ASXL3: variants seen among roughly 807,000 people sequenced by gnomAD.
The protein encoded by ASXL3 is putative Polycomb group protein ASXL3.
In ASXL3, 34 loss-of-function variants were observed where a neutral mutation model predicts 170.6. The ratio of observed to expected loss-of-function variants is 0.20; its 90% CI spans 0.15 to 0.27. ASXL3 has a LOEUF of 0.27. ASXL3 is among the 10% of genes least tolerant of loss of function. ASXL3 has a pLI of 1.00. For missense variants in ASXL3, 2,592 were observed against 2,695.3 expected, an observed-to-expected ratio of 0.96 and a Z score of 0.85; for synonymous variants, 1,002 against 989.1, an observed-to-expected ratio of 1.01 and a Z score of -0.24.
intron 4 of ASXL3, among the ~76,000 whole-genome samples, chr18:33,661,226 C>T (rs952810512): frequency 6.6e-6 from 1 of 151,952 alleles, no homozygotes; most frequent in Admixed American, 6.6e-5. Context: ...AAAACAATTG[C>T]ATTAATTTAT....
At chr18:33,637,311 A>G (rs184822450) in intron 2 of ASXL3, among the ~76,000 whole-genome samples, 8 of 152,296 alleles carry the variant, frequency 5.3e-5, no homozygotes, top group Non-Finnish European at 8.8e-5. Context: ...GGATTCTTTC[A>G]TTATATATGA....
At chr18:33,593,258 CTTT>C (rs34699815) in intron 1 of ASXL3, among the ~76,000 whole-genome samples, 482 of 87,880 alleles carry the variant, frequency 5.5e-3, no homozygotes, top group African/African-American at 0.021. Context: ...CTATGCCCAC[CTTT>C]TTTTTTTTTT....
chr18:33,683,917 G>T (rs966190740), intron 8 of ASXL3, among the ~76,000 whole-genome samples: 1 of 152,068 alleles, frequency 6.6e-6, no homozygotes, highest in Non-Finnish European at 1.5e-5. Flanking sequence ...TAAAAAGCCA[G>T]GGTTTCTAAA....
chr18:33,742,288 G>A (rs2067677136), intron 11 of ASXL3, among the ~76,000 whole-genome samples: 1 of 152,192 alleles, frequency 6.6e-6, no homozygotes, highest in South Asian at 2.1e-4. Context: ...GTTCTTATAT[G>A]TATAAAGCAG....
intron 5 of ASXL3, among the ~76,000 whole-genome samples, chr18:33,666,748 G>C (rs554088469): frequency 6.6e-6 from 1 of 152,248 alleles, no homozygotes; most frequent in East Asian, 1.9e-4. Flanking sequence ...ACTAAGAGAA[G>C]GCCAGATGGT....
intron 1 of ASXL3, among the ~76,000 whole-genome samples, chr18:33,585,784 G>T (rs2065029897): frequency 6.6e-6 from 1 of 152,142 alleles, no homozygotes; most frequent in South Asian, 2.1e-4. Context: ...TAGACTCAGT[G>T]GACAGGCTTA....
intron 4 of ASXL3, among the ~76,000 whole-genome samples, chr18:33,654,495 GTTTA>G: frequency 6.6e-6 from 1 of 152,174 alleles, no homozygotes; most frequent in Middle Eastern, 3.4e-3. Flanking sequence ...GGAGTTTATA[GTTTA>G]TATGATAAAG....
chr18:33,735,404 T>C (rs1376518758), intron 10 of ASXL3, among the ~76,000 whole-genome samples: 1 of 152,200 alleles, frequency 6.6e-6, no homozygotes, highest in Non-Finnish European at 1.5e-5. Flanking sequence ...TAGGAAGGCC[T>C]GTTTTTAATT....
intron 1 of ASXL3, among the ~76,000 whole-genome samples, chr18:33,592,282 A>G (rs1160362779): frequency 6.6e-6 from 1 of 152,232 alleles, no homozygotes; most frequent in Non-Finnish European, 1.5e-5. Context: ...GAATCTACAA[A>G]GAAAAAAGTC....
intron 8 of ASXL3, among the ~76,000 whole-genome samples, chr18:33,690,894 A>G (rs774343127): frequency 2.6e-4 from 39 of 152,078 alleles, no homozygotes; most frequent in Non-Finnish European, 3.2e-4. Flanking sequence ...GCTACTCCTC[A>G]GTGCAGGTGC....
intron 2 of ASXL3, among the ~76,000 whole-genome samples, chr18:33,638,231 A>AAT (rs2065799435): frequency 6.6e-6 from 1 of 150,976 alleles, no homozygotes; most frequent in Non-Finnish European, 1.5e-5. Context: ...CAAATACACA[A>AAT]ATATATATAT....
intron 8 of ASXL3, among the ~76,000 whole-genome samples, chr18:33,731,214 A>AG (rs2067437644): frequency 6.6e-6 from 1 of 151,942 alleles, no homozygotes; most frequent in African/African-American, 2.4e-5. Flanking sequence ...AACAAACAAA[A>AG]AAGTGAGGAT....
intron 8 of ASXL3, among the ~76,000 whole-genome samples, chr18:33,708,882 T>A (rs2067007004): frequency 6.6e-6 from 1 of 152,222 alleles, no homozygotes; most frequent in South Asian, 2.1e-4. Context: ...CATTTAGCAA[T>A]GACATTGACT....
chr18:33,674,745 A>G (rs1184783502), intron 7 of ASXL3, among the ~76,000 whole-genome samples: 1 of 151,506 alleles, frequency 6.6e-6, no homozygotes, highest in Non-Finnish European at 1.5e-5. Flanking sequence ...CAACCCCCCG[A>G]GTAGCTGGGA....
chr18:33,745,811 A>G lies in ASXL3; in HGVS notation c.5963A>G (p.Asn1988Ser). The G allele has an allele frequency of 6.2e-7, 1 of 1,613,992 alleles. No individual in the cohort carries two copies. The highest frequency in any genetic ancestry group is 1.1e-5 in the South Asian group (1 of 91,090). ...GCACCTCACCAGCTAAGGTTAGCCA[A>G]CATGTTATCCCCCAATATGCCCATG... ...SSAPHQLRLA[N>S]MLSPNMPMKE... The change falls in exon 12 of 12, where the codon AAC (asparagine) becomes AGC (serine). Residue 1988 changes from asparagine (N) to serine (S), a missense_variant. By Grantham distance (46) the Asn-to-Ser change is conservative (BLOSUM62 1). Around this residue, in one of 4 missense-constraint regions of ASXL3, gnomAD observed 2,246 missense variants for 2,219.6 expected, o/e 1.01. Transcript: ENST00000269197.
intron 8 of ASXL3, among the ~76,000 whole-genome samples, chr18:33,725,867 C>T (rs370389634): frequency 1.8e-4 from 28 of 152,264 alleles, no homozygotes; most frequent in Admixed American, 4.6e-4. Flanking sequence ...CACTCAGTGC[C>T]ATCAATTCTG....
intron 8 of ASXL3, among the ~76,000 whole-genome samples, chr18:33,688,350 G>A (rs994830116): frequency 2.8e-4 from 42 of 152,276 alleles, no homozygotes; most frequent in East Asian, 1.4e-3. Context: ...AATTAACAGC[G>A]CCTGTTGAAG....
At chr18:33,645,152 G>T in intron 3 of ASXL3, 150 bp downstream of exon 3, 2 of 486,228 alleles carry the variant, frequency 4.1e-6, no homozygotes, top group Admixed American at 3.7e-5. Flanking sequence ...TTCATATTAA[G>T]AATAAACAAT....
intron 5 of ASXL3, among the ~76,000 whole-genome samples, chr18:33,667,063 A>C (rs1175344371): frequency 6.6e-6 from 1 of 152,162 alleles, no homozygotes; most frequent in Non-Finnish European, 1.5e-5. Context: ...TCAGCTAGAG[A>C]GAGCGTGGTT....
Sources: allele counts gnomAD v4.1 joint callset (sites outside exome capture counted in the v4.1 genomes callset), GRCh38; gene constraint gnomAD v4.1.1; regional missense constraint gnomAD v4.1.1; transcripts MANE v1.5; gene names NCBI Gene and HGNC (gene_info 2026-07-23, HGNC 2026-07-21).